The following SPATA16 variants were observed in gnomAD, a reference collection of about 807,000 sequenced individuals.
The protein encoded by SPATA16 is spermatogenesis-associated protein 16.
Under a neutral mutation model 63.3 loss-of-function variants are expected in SPATA16, and 36 were observed. That is an observed-to-expected ratio of 0.57 (90% CI 0.44 to 0.75). The LOEUF is 0.75. Ranked by LOEUF, SPATA16 falls within the 30% of genes least tolerant of loss-of-function variation. The pLI is 0.00. For synonymous variants in SPATA16, 203 were observed against 216.7 expected, an observed-to-expected ratio of 0.94 and a Z score of 0.56; for missense variants, 646 against 679.3, an observed-to-expected ratio of 0.95 and a Z score of 0.54.
chr3:173,103,709 A>C (rs1468201854), intron 2 of SPATA16, among the ~76,000 whole-genome samples: 1 of 152,162 alleles, frequency 6.6e-6, no homozygotes, highest in African/African-American at 2.4e-5. Context: ...TGCTACAAAG[A>C]TCTCTGATAA....
intron 6 of SPATA16, among the ~76,000 whole-genome samples, chr3:172,930,866 G>A (rs1476485204): frequency 2.0e-5 from 3 of 151,146 alleles, no homozygotes; most frequent in African/African-American, 7.3e-5. Context: ...TTTCACTCTT[G>A]TTGCCCAGGC....
At chr3:173,002,971 A>G (rs1274589344) in intron 4 of SPATA16, among the ~76,000 whole-genome samples, 7 of 152,202 alleles carry the variant, frequency 4.6e-5, no homozygotes, top group Non-Finnish European at 1.0e-4. Flanking sequence ...GATATGGAAA[A>G]CTATGTTAAA....
chr3:173,005,659 A>G (rs1220703431), intron 4 of SPATA16, among the ~76,000 whole-genome samples: 1 of 152,236 alleles, frequency 6.6e-6, no homozygotes, highest in Non-Finnish European at 1.5e-5. Context: ...AAGGGGCAAA[A>G]ATAACTATCA....
intron 2 of SPATA16, among the ~76,000 whole-genome samples, chr3:173,084,992 G>A (rs1737014195): frequency 6.6e-6 from 1 of 152,050 alleles, no homozygotes; most frequent in South Asian, 2.1e-4. Flanking sequence ...GATTGTCCTG[G>A]TTATGTGGGC....
intron 4 of SPATA16, 67 bp from the exon 5 acceptor site, chr3:172,977,119 A>T: frequency 7.9e-7 from 1 of 1,261,076 alleles, no homozygotes; most frequent in Admixed American, 1.7e-5. Context: ...AAACCATAAC[A>T]GGCACTATAT....
At chr3:172,968,832 A>G (rs1733978393) in intron 5 of SPATA16, among the ~76,000 whole-genome samples, 1 of 152,244 alleles carries the variant, frequency 6.6e-6, no homozygotes, top group Non-Finnish European at 1.5e-5. Context: ...AAAATGAAAC[A>G]CAGGCAGCAT....
At chr3:172,978,339 G>A (rs569093555) in intron 4 of SPATA16, among the ~76,000 whole-genome samples, 202 of 152,220 alleles carry the variant, frequency 1.3e-3, no homozygotes, top group Non-Finnish European at 2.5e-3. Context: ...GAATGGGACA[G>A]AAACAAGTTA....
At chr3:173,005,104 C>G (rs1283178865) in intron 4 of SPATA16, among the ~76,000 whole-genome samples, 1 of 152,022 alleles carries the variant, frequency 6.6e-6, no homozygotes, top group South Asian at 2.1e-4. Flanking sequence ...GGGTGGATCA[C>G]GAGGTCAGGA....
intron 10 of SPATA16, 136 bp downstream of exon 10, chr3:172,913,525 G>T: frequency 1.3e-6 from 1 of 760,414 alleles, no homozygotes; most frequent in Non-Finnish European, 2.2e-6. Flanking sequence ...GGAGAGAGCT[G>T]CATTTAATTA....
intron 2 of SPATA16, among the ~76,000 whole-genome samples, chr3:173,067,452 A>G (rs1736548448): frequency 6.6e-6 from 1 of 152,312 alleles, no homozygotes; most frequent in African/African-American, 2.4e-5. Flanking sequence ...AAGATGGAGA[A>G]TGGGAGGAGG....
In SPATA16 at chr3:173,028,013, CCCTT is replaced by C. The variant is rs1244900376; in HGVS notation, c.759-8442_759-8439del. ...TCCCTCCCTCCCTCCCTCCCTCCCT[CCCTT>C]CCTTCTTTCCTTCCTTCCTTCCTTC... On this transcript the variant is annotated intron_variant, in intron 3 of 10. Coordinates refer to ENST00000351008, the MANE Select transcript of SPATA16 (RefSeq NM_031955.6). Among the ~76,000 whole-genome samples, 4 of 35,036 alleles carry C rather than the reference CCCTT, an allele frequency of 1.1e-4. 1 individual carries two copies. The highest frequency in any genetic ancestry group is 1.4e-3 in the South Asian group (1 of 726). 23.0% of individuals were successfully genotyped at this position (35,036 alleles called of 152,430 possible).
intron 6 of SPATA16, among the ~76,000 whole-genome samples, chr3:172,955,981 G>A (rs1305238588): frequency 3.3e-5 from 5 of 152,146 alleles, no homozygotes; most frequent in Non-Finnish European, 2.9e-5. Flanking sequence ...GGCCTGAATA[G>A]AAGGATGTGA....
chr3:173,074,415 C>A (rs1736740596), intron 2 of SPATA16, among the ~76,000 whole-genome samples: 1 of 152,120 alleles, frequency 6.6e-6, no homozygotes, highest in Admixed American at 6.5e-5. Flanking sequence ...ATAATTGAAT[C>A]ATGGGGGCGA....
intron 4 of SPATA16, among the ~76,000 whole-genome samples, chr3:173,017,735 C>G (rs1163380275): frequency 1.3e-5 from 2 of 152,190 alleles, no homozygotes; most frequent in Non-Finnish European, 2.9e-5. Flanking sequence ...TTGTGTCTAG[C>G]CTTCTATTGA....
chr3:172,933,236 A>G (rs925092877), intron 6 of SPATA16, among the ~76,000 whole-genome samples: 1 of 152,168 alleles, frequency 6.6e-6, no homozygotes, highest in Non-Finnish European at 1.5e-5. Flanking sequence ...ACTGTATGAG[A>G]GTTGGAATGA....
At chr3:172,912,995 C>G (rs1191596248) in intron 10 of SPATA16, among the ~76,000 whole-genome samples, 1 of 152,136 alleles carries the variant, frequency 6.6e-6, no homozygotes, top group East Asian at 1.9e-4. Flanking sequence ...GCCAGTCTCC[C>G]CTGGTGGGTT....
chr3:172,939,198 G>A (rs931766309), intron 6 of SPATA16, among the ~76,000 whole-genome samples: 14 of 152,060 alleles, frequency 9.2e-5, no homozygotes, highest in South Asian at 2.1e-4. Context: ...CCTGCAATAC[G>A]TCGGGGAGTT....
chr3:172,943,252 C>T (rs9827603), intron 6 of SPATA16, among the ~76,000 whole-genome samples: 13,333 of 151,966 alleles, frequency 0.088, 1,923 homozygotes, highest in African/African-American at 0.3. Flanking sequence ...TATGAATAAA[C>T]GACAACTTTT....
At chr3:173,079,198 A>G (rs1006318431) in intron 2 of SPATA16, among the ~76,000 whole-genome samples, 3 of 152,228 alleles carry the variant, frequency 2.0e-5, no homozygotes, top group Non-Finnish European at 4.4e-5. Flanking sequence ...GCAATTGTTC[A>G]GGTACAATTC....
Sources: allele counts gnomAD v4.1 joint callset (sites outside exome capture counted in the v4.1 genomes callset), GRCh38; gene constraint gnomAD v4.1.1; transcripts MANE v1.5; gene names NCBI Gene and HGNC (gene_info 2026-07-23, HGNC 2026-07-21).